Variants in HCN4 observed in about 807,000 individuals in gnomAD.
The protein encoded by HCN4 is hyperpolarization activated cyclic nucleotide gated potassium channel 4.
In HCN4, 29 loss-of-function variants were observed where a neutral mutation model predicts 76.9. The observed-to-expected ratio is 0.38, with a 90% CI of 0.28 to 0.51. The LOEUF (loss-of-function observed/expected upper bound fraction) is 0.51. Ranked by LOEUF, HCN4 falls within the 20% of genes least tolerant of loss-of-function variation. The pLI, the probability that HCN4 is intolerant of heterozygous loss-of-function variation, is 0.90. For missense variants in HCN4, 1,416 were observed against 1,715.2 expected, an observed-to-expected ratio of 0.83 and a Z score of 3.08; for synonymous variants, 772 against 762.5, an observed-to-expected ratio of 1.01 and a Z score of -0.21.
At chr15:73,361,704 C>G (rs2043105814) in intron 1 of HCN4, among the ~76,000 whole-genome samples, 1 of 152,180 alleles carries the variant, frequency 6.6e-6, no homozygotes, top group Non-Finnish European at 1.5e-5. Context: ...CACTTGTCAG[C>G]CCCATCATTT....
At chr15:73,334,991 A>C (rs1057066520) in intron 2 of HCN4, among the ~76,000 whole-genome samples, 2 of 151,902 alleles carry the variant, frequency 1.3e-5, no homozygotes, top group African/African-American at 4.8e-5. Flanking sequence ...AAGAGACCAG[A>C]CAGAGACGAT....
At chr15:73,358,767 A>G (rs946101958) in intron 1 of HCN4, among the ~76,000 whole-genome samples, 3 of 152,190 alleles carry the variant, frequency 2.0e-5, no homozygotes, top group African/African-American at 7.2e-5. Context: ...AGCTTCCAAG[A>G]AAGTGCACAG....
Position 73,368,067 on chromosome 15 carries a change from C to G in HCN4, c.204G>C (p.Arg68=). ...PSAAAGGTES[R]SSALGAADSE... ...TGTCCGCTGCCCCGAGGGCCGAGCTCCGGGACTCCGTGCCACCCGCGGCCG... is the reference window on the plus strand; with the variant it reads ...TGTCCGCTGCCCCGAGGGCCGAGCTGCGGGACTCCGTGCCACCCGCGGCCG... The change falls in exon 1 of 8, where the codon CGG becomes CGC. Residue 68 remains arginine (R), a synonymous_variant. Transcript: ENST00000261917. The surrounding 1 kb of genome is among the most constrained non-coding windows in gnomAD (Gnocchi z 6.9). 6.7e-7 allele frequency: 1 copy of G among 1,485,678 alleles called. No homozygotes were observed. The highest frequency in any genetic ancestry group is 1.3e-5 in the South Asian group (1 of 79,072). The allele number at this position is 1,485,678 out of a possible 1,614,324, so 92.0% of individuals were successfully genotyped here.
chr15:73,354,555 CTG>C (rs923558152), intron 1 of HCN4, among the ~76,000 whole-genome samples: 5 of 152,208 alleles, frequency 3.3e-5, no homozygotes, highest in African/African-American at 4.8e-5. Flanking sequence ...GACCACATTT[CTG>C]TGTGGCCAGG....
intron 1 of HCN4, among the ~76,000 whole-genome samples, chr15:73,350,084 CCTT>C (rs375850701): frequency 2.6e-5 from 4 of 152,216 alleles, no homozygotes; most frequent in African/African-American, 9.7e-5. Context: ...TACACCCTGC[CCTT>C]CTTTCCTGCC....
chr15:73,365,592 T>C (rs942364497), intron 1 of HCN4, among the ~76,000 whole-genome samples: 9 of 152,182 alleles, frequency 5.9e-5, no homozygotes, highest in Non-Finnish European at 1.0e-4. Flanking sequence ...AAAAGGATCC[T>C]ATCTGATGAA....
chr15:73,322,122 A>G lies in HCN4; in HGVS notation c.*359T>C, dbSNP rs1273313085. 3.3e-6 allele frequency: 1 copy of G among 300,140 alleles called. No homozygotes were observed. The highest frequency in any genetic ancestry group is 6.4e-6 in the Non-Finnish European group (1 of 156,414). The allele number at this position is 300,140 out of a possible 1,614,324, so 18.6% of individuals were successfully genotyped here. ...CGGGCTGATGGCAGCTGTTTCTCTAAATGAACACAATGACACATCTGCTCT... is the reference window on the plus strand; with the variant it reads ...CGGGCTGATGGCAGCTGTTTCTCTAGATGAACACAATGACACATCTGCTCT... On this transcript the variant is annotated 3_prime_UTR_variant, in exon 8 of 8. Coordinates refer to ENST00000261917, the MANE Select transcript of HCN4 (RefSeq NM_005477.3).
chr15:73,325,510 C>T lies in HCN4; in HGVS notation c.1591-66G>A, dbSNP rs150425796. On this transcript the variant is annotated intron_variant, in intron 4 of 7. Coordinates refer to ENST00000261917, the MANE Select transcript of HCN4 (RefSeq NM_005477.3). This position sits in a 1 kb window ranked among gnomAD's most constrained non-coding sequence, Gnocchi z 7.4. ...GGGGCGTCAGCAGCCAGCCCCACCA[C>T]CTCGGCAGGCACCACATCCGGGCAC... The T allele has an allele frequency of 1.4e-5, 22 of 1,549,276 alleles. No individual in the cohort carries two copies. In the Admixed American group the frequency reaches 2.2e-4, roughly 15 times the overall value.
intron 2 of HCN4, chr15:73,341,068 A>AGGGG (rs914132898): frequency 7.0e-5 from 6 of 85,296 alleles, no homozygotes; most frequent in African/African-American, 2.0e-4. Context: ...GGAGGGAGGT[A>AGGGG]GGTGTGTGTG....
intron 4 of HCN4, among the ~76,000 whole-genome samples, chr15:73,326,793 A>ATTTT (rs990120364): frequency 2.1e-5 from 3 of 144,888 alleles, no homozygotes; most frequent in Non-Finnish European, 1.5e-5. Context: ...TTATTTATTT[A>ATTTT]TTTTTTTTGT....
Position 73,325,488 on chromosome 15 carries a change from G to C in HCN4, c.1591-44C>G. 4 of 1,609,204 alleles carry C rather than the reference G, an allele frequency of 2.5e-6. No individual in the cohort carries two copies. The highest frequency in any genetic ancestry group is 3.4e-6 in the Non-Finnish European group (4 of 1,175,754). On this transcript the variant is annotated intron_variant, in intron 4 of 7. Coordinates refer to ENST00000261917, the MANE Select transcript of HCN4 (RefSeq NM_005477.3). This position sits in a 1 kb window ranked among gnomAD's most constrained non-coding sequence, Gnocchi z 7.4. ...GGCGTCAGCTCCACCCCACCAGGGGGCGTCAGCAGCCAGCCCCACCACCTC... is the reference window on the plus strand; with the variant it reads ...GGCGTCAGCTCCACCCCACCAGGGGCCGTCAGCAGCCAGCCCCACCACCTC...
intron 1 of HCN4, among the ~76,000 whole-genome samples, chr15:73,347,322 C>A (rs1178707552): frequency 6.6e-6 from 1 of 152,100 alleles, no homozygotes; most frequent in Non-Finnish European, 1.5e-5. Flanking sequence ...AGTTTGAGTT[C>A]TTGGGGTTGT....
chr15:73,334,794 A>T (rs1311390248), intron 2 of HCN4, among the ~76,000 whole-genome samples: 1 of 152,130 alleles, frequency 6.6e-6, no homozygotes, highest in Non-Finnish European at 1.5e-5. Flanking sequence ...CATAGACGCA[A>T]GGGTGGGGCC....
At chr15:73,334,652 G>C (rs114978702) in intron 2 of HCN4, among the ~76,000 whole-genome samples, 51 of 151,932 alleles carry the variant, frequency 3.4e-4, no homozygotes, top group African/African-American at 1.1e-3. Context: ...TCTCAGAGCC[G>C]GCCATCCTCC....
intron 1 of HCN4, among the ~76,000 whole-genome samples, chr15:73,362,513 G>A (rs956805149): frequency 2.0e-5 from 3 of 152,266 alleles, no homozygotes; most frequent in African/African-American, 7.2e-5. Context: ...TGAGTCGGAT[G>A]ACATTACAGC....
intron 1 of HCN4, among the ~76,000 whole-genome samples, chr15:73,355,856 G>A (rs987711451): frequency 6.6e-6 from 1 of 152,174 alleles, no homozygotes; most frequent in African/African-American, 2.4e-5. Flanking sequence ...TCAGGCCAGG[G>A]CCTAACCTCT....
At chr15:73,329,902 GC>G in intron 3 of HCN4, 111 bp from the exon 4 acceptor site, 1 of 879,120 alleles carries the variant, frequency 1.1e-6, no homozygotes, top group Non-Finnish European at 1.8e-6. Flanking sequence ...CAGTGGCTGG[GC>G]CCAGGGCTCC....
chr15:73,333,130 G>A (rs766688703), intron 2 of HCN4, among the ~76,000 whole-genome samples: 4 of 152,174 alleles, frequency 2.6e-5, no homozygotes, highest in East Asian at 1.9e-4. Context: ...CCTGCAGCTC[G>A]GAGTGGGGGG....
intron 1 of HCN4, among the ~76,000 whole-genome samples, chr15:73,361,581 C>G (rs1197540533): frequency 6.6e-6 from 1 of 152,234 alleles, no homozygotes; most frequent in South Asian, 2.1e-4. Flanking sequence ...CGGCTGCCTC[C>G]TCGGTTCTAA....
Sources: gnomAD v4.1 joint callset for allele counts (sites outside exome capture counted in the v4.1 genomes callset) on GRCh38, gnomAD v4.1.1 for gene constraint, Gnocchi (gnomAD v3.1) non-coding constraint, MANE v1.5 for transcripts, NCBI Gene and HGNC (gene_info 2026-07-23, HGNC 2026-07-21) for gene names.